Variants in CNST observed in about 807,000 individuals in gnomAD.
CNST encodes the protein consortin.
In CNST, 39 loss-of-function variants were observed where a neutral mutation model predicts 72.4. The ratio of observed to expected loss-of-function variants is 0.54; its 90% CI spans 0.42 to 0.70. The LOEUF is 0.70. Ranked by LOEUF, CNST falls within the 30% of genes least tolerant of loss-of-function variation. The pLI is 0.00. For synonymous variants in CNST, 332 were observed against 320.1 expected (o/e 1.04, Z -0.40); for missense variants, 871 against 868.5 (o/e 1.00, Z -0.04).
rs1156729952 is a variant in CNST, at chr1:246,624,918, T to A, written c.585+3284T>A. Among the ~76,000 whole-genome samples, 3 of 152,212 alleles carry A rather than the reference T, an allele frequency of 2.0e-5. No individual in the cohort carries two copies. In the East Asian group the frequency reaches 5.8e-4, roughly 29 times the overall value. On this transcript the variant is annotated intron_variant, in intron 3 of 10. Coordinates refer to ENST00000366513, the MANE Select transcript of CNST (RefSeq NM_152609.3). ...ATCCACCCGCCTTGACCTCCCAAAGTGCTGGGATTACAGGCGTGAGCCACC... is the reference window on the plus strand; with the variant it reads ...ATCCACCCGCCTTGACCTCCCAAAGAGCTGGGATTACAGGCGTGAGCCACC...
At chr1:246,588,895 G>A (rs1661363671) in intron 1 of CNST, among the ~76,000 whole-genome samples, 1 of 151,932 alleles carries the variant, frequency 6.6e-6, no homozygotes, top group African/African-American at 2.4e-5. Context: ...AAACATACTT[G>A]AGTTTTTCAG....
intron 8 of CNST, among the ~76,000 whole-genome samples, chr1:246,643,807 A>G (rs1177680740): frequency 1.3e-5 from 2 of 152,188 alleles, no homozygotes; most frequent in African/African-American, 4.8e-5. Context: ...TGACTCTCCG[A>G]ATGTAGTTTG....
At chr1:246,592,112 GTCTCCACACTGTTCCACCGTA>G (rs1661583438) in intron 2 of CNST, among the ~76,000 whole-genome samples, 171 bp downstream of exon 2, 1 of 152,076 alleles carries the variant, frequency 6.6e-6, no homozygotes, top group South Asian at 2.1e-4. Context: ...AGTGTGATAC[GTCTCCACACTGTTCCACCGTA>G]TGGGTGTAAC....
chr1:246,652,366 C>A (rs1344525477), intron 9 of CNST, among the ~76,000 whole-genome samples: 1 of 152,170 alleles, frequency 6.6e-6, no homozygotes, highest in African/African-American at 2.4e-5. Flanking sequence ...CAGACTCTTA[C>A]ACACATAGAG....
chr1:246,631,459 GCTTTTT>G (rs1337705711), intron 3 of CNST, among the ~76,000 whole-genome samples: 1 of 152,142 alleles, frequency 6.6e-6, no homozygotes, highest in Admixed American at 6.5e-5. Context: ...ACATATTTCT[GCTTTTT>G]CTTTTTATTA....
intron 2 of CNST, among the ~76,000 whole-genome samples, chr1:246,610,323 T>C (rs1663226123): frequency 6.6e-6 from 1 of 152,186 alleles, no homozygotes; most frequent in African/African-American, 2.4e-5. Context: ...TTCTTTTTTA[T>C]ATTTTCTGTC....
At chr1:246,654,773 C>T (rs957667783) in intron 9 of CNST, among the ~76,000 whole-genome samples, 2 of 151,792 alleles carry the variant, frequency 1.3e-5, no homozygotes, top group Admixed American at 1.3e-4. Flanking sequence ...AGCTACATTA[C>T]TCAAACAAGT....
chr1:246,571,789 G>A (rs1214374099), intron 1 of CNST, among the ~76,000 whole-genome samples: 2 of 152,120 alleles, frequency 1.3e-5, no homozygotes, highest in East Asian at 3.8e-4. Context: ...TGGGGCTATA[G>A]GCATGTGCCA....
chr1:246,618,160 A>G (rs2103071861), intron 2 of CNST, among the ~76,000 whole-genome samples: 1 of 152,308 alleles, frequency 6.6e-6, no homozygotes, highest in African/African-American at 2.4e-5. Flanking sequence ...TCTTCACAGT[A>G]ATGGTCTGCA....
intron 2 of CNST, among the ~76,000 whole-genome samples, chr1:246,604,949 G>A (rs1345320404): frequency 6.6e-6 from 1 of 152,192 alleles, no homozygotes; most frequent in African/African-American, 2.4e-5. Context: ...TTACAGGCGT[G>A]AGCCACCGCA....
At position 246,591,622 on chromosome 1, in the gene CNST, T is replaced by C; in HGVS notation, c.60T>C (p.His20=). 4 of 1,614,172 alleles carry C rather than the reference T, an allele frequency of 2.5e-6. No individual in the cohort carries two copies. Among genetic ancestry groups the C allele is most frequent in the Non-Finnish European group, 3.4e-6 (4 of 1,179,992 alleles). Reference sequence around the variant, plus strand: ...AAATAGAACCACAAGATGGATGTCATCCTGGTGACAGCGTGGAAAGGAGTG... The same window carrying C: ...AAATAGAACCACAAGATGGATGTCACCCTGGTGACAGCGTGGAAAGGAGTG... ...YLQIEPQDGC[H]PGDSVERSVT... Residue 20 remains histidine, a synonymous_variant, in exon 2 of 11, where the codon CAT becomes CAC. Coordinates refer to ENST00000366513, the MANE Select transcript of CNST (RefSeq NM_152609.3).
chr1:246,603,759 C>T (rs1051395028), intron 2 of CNST, among the ~76,000 whole-genome samples: 2 of 152,030 alleles, frequency 1.3e-5, no homozygotes, highest in South Asian at 4.1e-4. Context: ...GAGTTGGCTG[C>T]CTAGAGCTAG....
chr1:246,572,593 C>G (rs987420680), intron 1 of CNST, among the ~76,000 whole-genome samples: 3 of 152,136 alleles, frequency 2.0e-5, no homozygotes, highest in African/African-American at 7.2e-5. Flanking sequence ...TCAAGTGATC[C>G]TCCTGCCTTG....
intron 1 of CNST, among the ~76,000 whole-genome samples, chr1:246,567,921 A>G (rs552140955): frequency 1.3e-5 from 2 of 152,196 alleles, no homozygotes; most frequent in Non-Finnish European, 2.9e-5. Flanking sequence ...CTGGAGTCCT[A>G]AATATTTTTA....
intron 3 of CNST, among the ~76,000 whole-genome samples, chr1:246,628,568 G>C (rs1175872231): frequency 1.3e-5 from 2 of 152,148 alleles, no homozygotes; most frequent in Non-Finnish European, 2.9e-5. Flanking sequence ...CACTGACTTA[G>C]TTAATATGAC....
intron 3 of CNST, among the ~76,000 whole-genome samples, chr1:246,623,747 G>A (rs539513447): frequency 1.3e-5 from 2 of 152,024 alleles, no homozygotes; most frequent in South Asian, 4.2e-4. Context: ...GGGTGACAGA[G>A]TGAGACTCTG....
chr1:246,634,237 C>G, intron 5 of CNST: 2 of 552,142 alleles, frequency 3.6e-6, no homozygotes, highest in Admixed American at 3.5e-5. Flanking sequence ...AGAATACTTG[C>G]AACTATTTGC....
At chr1:246,620,669 G>C (rs574359562) in intron 2 of CNST, among the ~76,000 whole-genome samples, 2 of 127,302 alleles carry the variant, frequency 1.6e-5, no homozygotes, top group Non-Finnish European at 3.3e-5. Context: ...GCATACACAC[G>C]ATGGGCTCTG....
At chr1:246,654,224 A>G (rs1666648653) in intron 9 of CNST, among the ~76,000 whole-genome samples, 1 of 151,792 alleles carries the variant, frequency 6.6e-6, no homozygotes, top group Non-Finnish European at 1.5e-5. Context: ...CCCCCTCGCC[A>G]CCTCCCAGAT....
Sources: allele counts gnomAD v4.1 joint callset (sites outside exome capture counted in the v4.1 genomes callset), GRCh38; gene constraint gnomAD v4.1.1; transcripts MANE v1.5; gene names NCBI Gene and HGNC (gene_info 2026-07-23, HGNC 2026-07-21).